The following LIMD1 variants were observed in gnomAD, a reference collection of about 807,000 sequenced individuals.
LIMD1 encodes LIM domain-containing protein 1.
Under a neutral mutation model 58.4 loss-of-function variants are expected in LIMD1, and 23 were observed. That is an observed-to-expected ratio of 0.39 (90% confidence interval 0.28 to 0.56). The LOEUF is 0.56. Among genes scored for constraint, LIMD1 ranks in the 20% least tolerant of loss-of-function variants. The probability of loss-of-function intolerance (pLI) is 0.57; values close to 1 mark genes in which losing one functional copy is unlikely to be tolerated. For synonymous variants in LIMD1, 334 were observed against 345.5 expected (o/e 0.97, Z 0.37); for missense variants, 838 against 855.5 (o/e 0.98, Z 0.25).
At chr3:45,636,034 T>A in intron 1 of LIMD1, 116 bp from the exon 2 acceptor site, 1 of 1,551,736 alleles carries the variant, frequency 6.4e-7, no homozygotes, top group Non-Finnish European at 8.7e-7. Flanking sequence ...TCCACTGGAT[T>A]TGGTGGTGGG....
chr3:45,665,891 C>T (rs769825780), intron 3 of LIMD1, among the ~76,000 whole-genome samples, 174 bp downstream of exon 3: 12 of 152,198 alleles, frequency 7.9e-5, no homozygotes, highest in Non-Finnish European at 1.6e-4. Context: ...TGGCAAACCA[C>T]ACAGCTTTGT....
chr3:45,629,276 G>C (rs1701702858), intron 1 of LIMD1, among the ~76,000 whole-genome samples: 4 of 151,902 alleles, frequency 2.6e-5, no homozygotes, highest in Non-Finnish European at 1.5e-5. Flanking sequence ...AGCCAGGCCT[G>C]GTGGCACGTG....
chr3:45,594,836 C>T lies in LIMD1; in HGVS notation c.-44C>T, dbSNP rs764331300. ...ACACACACACACACACACACACACA[C>T]ACACACACGGCACCTGGGCTAGGCC... On this transcript the variant is annotated 5_prime_UTR_variant, in exon 1 of 8. Transcript: ENST00000273317. 1.0e-5 allele frequency: 12 copies of T among 1,196,616 alleles called. No homozygotes were observed. The Admixed American group carries it at 1.7e-4, about 17-fold the overall frequency. The allele number at this position is 1,196,616 out of a possible 1,614,324, so 74.1% of individuals were successfully genotyped here.
intron 1 of LIMD1, among the ~76,000 whole-genome samples, chr3:45,615,454 A>T (rs1030156419): frequency 1.3e-5 from 2 of 152,124 alleles, no homozygotes; most frequent in Non-Finnish European, 2.9e-5. Context: ...CCATCAACTG[A>T]ACAGTGTAAA....
intron 1 of LIMD1, among the ~76,000 whole-genome samples, chr3:45,602,785 C>T (rs1701428819): frequency 6.6e-6 from 1 of 152,038 alleles, no homozygotes; most frequent in Non-Finnish European, 1.5e-5. Flanking sequence ...CTACAGATGC[C>T]CTTCCATCTG....
Position 45,665,539 on chromosome 3 carries a change from G to A in LIMD1, c.1511-111G>A, listed in dbSNP as rs1033655678. ...CTGGAAAGTGTCATTGACAGTTGGC[G>A]GTTTTTACGTGTTTATTTCTGCCTA... On this transcript the variant is annotated intron_variant, in intron 2 of 7. Transcript: ENST00000273317. The A allele has an allele frequency of 3.8e-5, 30 of 791,660 alleles. No individual in the cohort carries two copies. The Middle Eastern group carries it at 7.7e-4, about 20-fold the overall frequency. The allele number at this position is 791,660 out of a possible 1,614,324, so 49.0% of individuals were successfully genotyped here.
At chr3:45,601,985 C>T (rs1308068945) in intron 1 of LIMD1, among the ~76,000 whole-genome samples, 3 of 151,574 alleles carry the variant, frequency 2.0e-5, no homozygotes, top group Non-Finnish European at 4.4e-5. Context: ...CTCTGTCGCC[C>T]AGGATGGAGT....
chr3:45,663,402 T>C (rs960086420), intron 2 of LIMD1, among the ~76,000 whole-genome samples: 1 of 152,230 alleles, frequency 6.6e-6, no homozygotes, highest in Non-Finnish European at 1.5e-5. Flanking sequence ...TCCCAGTTGA[T>C]GATACTCCCA....
intron 1 of LIMD1, among the ~76,000 whole-genome samples, chr3:45,607,754 A>G (rs1701481580): frequency 1.3e-5 from 2 of 152,184 alleles, no homozygotes; most frequent in Non-Finnish European, 1.5e-5. Context: ...CCAGCATGTG[A>G]CGGCCATTTC....
intron 2 of LIMD1, among the ~76,000 whole-genome samples, chr3:45,640,529 G>C (rs1354040702): frequency 6.6e-6 from 1 of 152,130 alleles, no homozygotes; most frequent in East Asian, 1.9e-4. Flanking sequence ...CCGGGTTCAA[G>C]CGATTCTCCT....
Position 45,594,957 on chromosome 3 carries a change from T to A in LIMD1, c.78T>A (p.Asp26Glu), listed in dbSNP as rs764241409. Residue 26 changes from aspartate (D) to glutamate (E), a missense_variant, in exon 1 of 8, where the codon GAT becomes GAA. Physicochemically the swap from Asp to Glu is conservative, Grantham distance 45 (BLOSUM62 2). This residue lies in a region of LIMD1 where 659 missense variants were observed against 639.8 expected (regional missense o/e 1.03). Coordinates refer to ENST00000273317, the MANE Select transcript of LIMD1 (RefSeq NM_014240.3). ...TGAACATGTATGAGGCCTCTAAGGA[T>A]GGGCTCTTCCGAGTGGACAAGGGTG... Reference protein sequence around the residue: ...EDLNMYEASKDGLFRVDKGAG... With the variant: ...EDLNMYEASKEGLFRVDKGAG... 6.2e-7 allele frequency: 1 copy of A among 1,613,752 alleles called. No homozygotes were observed. The highest frequency in any genetic ancestry group is 1.1e-5 in the South Asian group (1 of 91,060).
intron 1 of LIMD1, among the ~76,000 whole-genome samples, chr3:45,630,834 A>T (rs1372661824): frequency 6.6e-6 from 1 of 152,188 alleles, no homozygotes; most frequent in East Asian, 1.9e-4. Flanking sequence ...CACTGTGCAG[A>T]CTTCAGTAAG....
rs1697695195 is a variant in LIMD1 at position 45,678,057 on chromosome 3, G to C, written c.*998G>C. On this transcript the variant is annotated 3_prime_UTR_variant, in exon 8 of 8. Coordinates refer to ENST00000273317, the MANE Select transcript of LIMD1 (RefSeq NM_014240.3). ...GTGTGTGCGAGATCTCTAAGCCAGCGTGGGAGGGAGCGCCTCAGGATAAGT... is the reference window on the plus strand; with the variant it reads ...GTGTGTGCGAGATCTCTAAGCCAGCCTGGGAGGGAGCGCCTCAGGATAAGT... 1 of 152,572 alleles carries C rather than the reference G, an allele frequency of 6.6e-6. No homozygotes were observed. The highest frequency in any genetic ancestry group is 2.4e-5 in the African/African-American group (1 of 41,426). The allele number at this position is 152,572 out of a possible 1,614,324, so 9.5% of individuals were successfully genotyped here.
Position 45,655,047 on chromosome 3 carries a change from G to A in LIMD1, c.1511-10603G>A, listed in dbSNP as rs982622808. ...TGATTCTCCTGCCTCAGCCTCCTGA[G>A]TAGCTGGGATTACAGGCTCACGCCA... On this transcript the variant is annotated intron_variant, in intron 2 of 7. Transcript: ENST00000273317. Among the ~76,000 whole-genome samples, 2 of 151,704 alleles carry A rather than the reference G, an allele frequency of 1.3e-5. 1 individual carries two copies. The highest frequency in any genetic ancestry group is 1.3e-4 in the Admixed American group (2 of 15,208).
At chr3:45,611,801 C>T (rs1047947225) in intron 1 of LIMD1, among the ~76,000 whole-genome samples, 4 of 152,156 alleles carry the variant, frequency 2.6e-5, no homozygotes, top group Non-Finnish European at 2.9e-5. Flanking sequence ...GTTGGCCAGC[C>T]ACAGAGGTCA....
chr3:45,594,887 A>ATGCG lies in LIMD1; in HGVS notation c.8_9insTGCG (p.Lys3AsnfsTer4), dbSNP rs1701325962. ...CGGACACCTGTCTGCAGCATGGATA[A>ATGCG]GTATGACGACCTGGGCCTGGAGGCC... is the stretch of plus-strand genomic sequence containing the variant. On this transcript the variant is annotated frameshift_variant, in exon 1 of 8. Transcript: ENST00000273317. LOFTEE classifies it high-confidence loss of function. The ATGCG allele has an allele frequency of 6.2e-7, 1 of 1,606,024 alleles. No individual in the cohort carries two copies. The highest frequency in any genetic ancestry group is 8.5e-7 in the Non-Finnish European group (1 of 1,177,520).
At chr3:45,676,666 C>T (rs556792791) in intron 7 of LIMD1, among the ~76,000 whole-genome samples, 13 of 152,314 alleles carry the variant, frequency 8.5e-5, no homozygotes, top group South Asian at 8.3e-4. Context: ...TTTTTACATC[C>T]TCTTTTTGTC....
intron 1 of LIMD1, among the ~76,000 whole-genome samples, chr3:45,605,975 A>G (rs1156497919): frequency 6.6e-6 from 1 of 152,200 alleles, no homozygotes; most frequent in Non-Finnish European, 1.5e-5. Context: ...GGCTCCGTGG[A>G]TGCCTGTTGA....
rs568249349 is a variant in LIMD1, at chr3:45,618,138, C to T, written c.1409-18012C>T. Among the ~76,000 whole-genome samples the T allele has an allele frequency of 2.0e-5, 3 of 152,236 alleles. No individual in the cohort carries two copies. The East Asian group carries it at 5.8e-4, about 29-fold the overall frequency. ...TCTGCCCCACATGGACACACTCAGC[C>T]GCCTGCTGGAGTTTGTGTTTTCCGT... On this transcript the variant is annotated intron_variant, in intron 1 of 7. Coordinates refer to ENST00000273317, the MANE Select transcript of LIMD1 (RefSeq NM_014240.3).
Sources: gnomAD v4.1 joint callset for allele counts (sites outside exome capture counted in the v4.1 genomes callset) on GRCh38, gnomAD v4.1.1 for gene constraint, gnomAD v4.1.1 regional missense constraint, MANE v1.5 for transcripts, NCBI Gene and HGNC (gene_info 2026-07-23, HGNC 2026-07-21) for gene names.